CCDC6: variants seen among roughly 807,000 people sequenced by gnomAD.
CCDC6 encodes the protein coiled-coil domain-containing protein 6.
In CCDC6, 20 loss-of-function variants were observed where a neutral mutation model predicts 56.6. That is an observed-to-expected ratio of 0.35 (90% CI 0.25 to 0.51). CCDC6 has a LOEUF of 0.51. Among genes scored for constraint, CCDC6 ranks in the 20% least tolerant of loss-of-function variants. The pLI is 0.95. For missense variants in CCDC6, 367 were observed against 601.1 expected (o/e 0.61, Z 4.07); for synonymous variants, 241 against 234.4 (o/e 1.03, Z -0.26).
rs527384617 is a variant in CCDC6, at chr10:59,874,301, T to C, written c.304-21599A>G. Among the ~76,000 whole-genome samples, 32 of 152,294 alleles carry C rather than the reference T, an allele frequency of 2.1e-4. 1 individual carries two copies. The South Asian group carries it at 6.4e-3, about 31-fold the overall frequency. ...GTTTTCTTTGGCACTAAACTTGCCTTTTGTTCTCCTATCCAACCAAGACTA... is the reference window on the plus strand; with the variant it reads ...GTTTTCTTTGGCACTAAACTTGCCTCTTGTTCTCCTATCCAACCAAGACTA... On this transcript the variant is annotated intron_variant, in intron 1 of 8. Coordinates refer to ENST00000263102, the MANE Select transcript of CCDC6 (RefSeq NM_005436.5).
chr10:59,870,705 CT>C (rs1223236234), intron 1 of CCDC6, among the ~76,000 whole-genome samples: 2 of 152,104 alleles, frequency 1.3e-5, no homozygotes, highest in East Asian at 3.9e-4. Flanking sequence ...GGAGTCATAG[CT>C]TTTAAAAAGA....
chr10:59,825,406 C>T (rs969155399), intron 3 of CCDC6, among the ~76,000 whole-genome samples: 16 of 152,182 alleles, frequency 1.1e-4, no homozygotes, highest in Admixed American at 9.8e-4. Flanking sequence ...TGATTGTGGG[C>T]CTTCCCCAGC....
chr10:59,844,329 T>A (rs2070969407), intron 2 of CCDC6, among the ~76,000 whole-genome samples: 2 of 151,508 alleles, frequency 1.3e-5, no homozygotes, highest in Admixed American at 1.3e-4. Flanking sequence ...CTTGGGTATA[T>A]ATCTAAAGGG....
chr10:59,834,553 ACT>A (rs1367392092), intron 2 of CCDC6, among the ~76,000 whole-genome samples: 1 of 148,872 alleles, frequency 6.7e-6, no homozygotes, highest in Non-Finnish European at 1.5e-5. Context: ...ACAGAGCGAG[ACT>A]CTGTCTCAAA....
intron 2 of CCDC6, among the ~76,000 whole-genome samples, chr10:59,833,645 G>GC (rs889801245): frequency 2.8e-5 from 4 of 143,750 alleles, no homozygotes; most frequent in Non-Finnish European, 6.2e-5. Flanking sequence ...TCAACTGGGG[G>GC]GGGGGGGGGT....
chr10:59,855,498 G>A (rs1684929), intron 1 of CCDC6, among the ~76,000 whole-genome samples: 24,922 of 152,124 alleles, frequency 0.16, 2,571 homozygotes, highest in African/African-American at 0.29. Context: ...CCCAGGAGGC[G>A]GAGATTGCAG....
At chr10:59,820,184 C>T (rs566251756) in intron 3 of CCDC6, among the ~76,000 whole-genome samples, 7 of 152,308 alleles carry the variant, frequency 4.6e-5, no homozygotes, top group Admixed American at 4.6e-4. Flanking sequence ...CCCAATGCTA[C>T]CACAGTTCTT....
At position 59,792,684 on chromosome 10, in the gene CCDC6, G is replaced by T. The variant is rs752912641; in HGVS notation, c.*233C>A. ...CGAAGGTTCCAGCCAGGGAATGGACGTACATGAAGATTCAAGTAAAACACT... is the reference window on the plus strand; with the variant it reads ...CGAAGGTTCCAGCCAGGGAATGGACTTACATGAAGATTCAAGTAAAACACT... On this transcript the variant is annotated 3_prime_UTR_variant, in exon 9 of 9. Coordinates refer to ENST00000263102, the MANE Select transcript of CCDC6 (RefSeq NM_005436.5). 1.3e-6 allele frequency: 1 copy of T among 752,608 alleles called. No homozygotes were observed. 46.6% of individuals were successfully genotyped at this position (752,608 alleles called of 1,614,324 possible). A position where few individuals can be genotyped will look rare whatever the true frequency, so the allele number is the denominator to read the frequency against.
intron 1 of CCDC6, among the ~76,000 whole-genome samples, chr10:59,861,856 T>C (rs1378548405): frequency 6.6e-6 from 1 of 152,236 alleles, no homozygotes; most frequent in Non-Finnish European, 1.5e-5. Context: ...ACAATTCTTT[T>C]CTTCTAATAC....
chr10:59,841,440 T>G (rs2070937384), intron 2 of CCDC6, among the ~76,000 whole-genome samples: 1 of 152,208 alleles, frequency 6.6e-6, no homozygotes, highest in Admixed American at 6.5e-5. Context: ...TAACTTCTTA[T>G]TGCTGGTACA....
chr10:59,870,184 TATGGC>T (rs1442702973), intron 1 of CCDC6, among the ~76,000 whole-genome samples: 2 of 152,176 alleles, frequency 1.3e-5, no homozygotes, highest in Non-Finnish European at 2.9e-5. Context: ...GTGCCTGGCA[TATGGC>T]AAGTACTCCG....
intron 1 of CCDC6, among the ~76,000 whole-genome samples, chr10:59,903,359 G>A (rs143904610): frequency 1.2e-3 from 186 of 152,310 alleles, no homozygotes; most frequent in African/African-American, 4.3e-3. Flanking sequence ...GAAAGATGTT[G>A]ATGGTGGAGG....
rs1184010161 is a variant in CCDC6, at chr10:59,906,355, G to A, written c.70C>T (p.Gln24Ter). ...CCCGAGGTCGACGAGCAGGACGACT[G>A]CATGGCGGCCGAGCTGCTGCTGTTG... ...GGNSSSSAAMQSSCSSTSGGG... is the reference protein window; with the variant it reads ...GGNSSSSAAM Residue 24 changes from glutamine to a stop codon, truncating the protein, a stop_gained, in exon 1 of 9, where the codon CAG becomes TAG. Transcript: ENST00000263102. LOFTEE classifies it high-confidence loss of function. The A allele has an allele frequency of 1.3e-6, 2 of 1,596,444 alleles. No homozygotes were observed. Among genetic ancestry groups the A allele is most frequent in the Non-Finnish European group, 1.7e-6 (2 of 1,178,322 alleles).
chr10:59,795,483 AT>A lies in CCDC6; in HGVS notation c.1106-887del, dbSNP rs2070507374. On this transcript the variant is annotated intron_variant, in intron 7 of 8. Coordinates refer to ENST00000263102, the MANE Select transcript of CCDC6 (RefSeq NM_005436.5). ...TTTCTTATTCATTTTTATTATTATT[AT>A]TATTATACTTTAAGTTTTAGGGTAC... Among the ~76,000 whole-genome samples the A allele has an allele frequency of 8.6e-5, 13 of 151,458 alleles. No homozygotes were observed. The South Asian group carries it at 2.7e-3, about 32-fold the overall frequency.
intron 1 of CCDC6, among the ~76,000 whole-genome samples, chr10:59,861,594 A>G (rs538903789): frequency 3.9e-4 from 59 of 152,346 alleles, no homozygotes; most frequent in Non-Finnish European, 7.3e-4. Context: ...GGTAAACAAC[A>G]TACATAAACA....
chr10:59,814,603 C>A, intron 4 of CCDC6, 49 bp downstream of exon 4: 1 of 919,860 alleles, frequency 1.1e-6, no homozygotes, highest in South Asian at 1.6e-5. Context: ...AGCAGCAACA[C>A]ACACACACAC....
At chr10:59,814,483 A>G (rs2070696670) in intron 4 of CCDC6, among the ~76,000 whole-genome samples, 169 bp downstream of exon 4, 1 of 152,192 alleles carries the variant, frequency 6.6e-6, no homozygotes, top group Non-Finnish European at 1.5e-5. Context: ...GGTGCCCAAC[A>G]TGGGAATAGT....
At chr10:59,847,056 A>AT (rs1424555808) in intron 2 of CCDC6, among the ~76,000 whole-genome samples, 3 of 111,298 alleles carry the variant, frequency 2.7e-5, no homozygotes, top group Admixed American at 7.9e-5. Flanking sequence ...GGAATTAGAA[A>AT]ATTTTTTTTT....
At chr10:59,827,419 T>C (rs1189363950) in intron 3 of CCDC6, among the ~76,000 whole-genome samples, 1 of 152,188 alleles carries the variant, frequency 6.6e-6, no homozygotes, top group African/African-American at 2.4e-5. Flanking sequence ...TAGTCCACAT[T>C]TGAATAATCC....
Sources: allele counts gnomAD v4.1 joint callset (sites outside exome capture counted in the v4.1 genomes callset), GRCh38; gene constraint gnomAD v4.1.1; transcripts MANE v1.5; gene names NCBI Gene and HGNC (gene_info 2026-07-23, HGNC 2026-07-21).